Variants in HIRA observed in about 807,000 individuals in gnomAD.
HIRA encodes histone cell cycle regulator.
HIRA carries 13 observed loss-of-function variants against 126.6 expected under a neutral mutation model. The ratio of observed to expected loss-of-function variants is 0.10; its 90% confidence interval spans 0.07 to 0.16. The LOEUF (loss-of-function observed/expected upper bound fraction) is 0.16. Ranked by LOEUF, HIRA falls within the 10% of genes least tolerant of loss-of-function variation. The pLI, the probability that HIRA is intolerant of heterozygous loss-of-function variation, is 1.00. For missense variants in HIRA, 834 were observed against 1,314.4 expected (o/e 0.63, Z 5.65); for synonymous variants, 511 against 520.0 (o/e 0.98, Z 0.24).
At chr22:19,346,063 C>T (rs559057202) in intron 24 of HIRA, among the ~76,000 whole-genome samples, 6 of 152,292 alleles carry the variant, frequency 3.9e-5, no homozygotes, top group South Asian at 2.1e-4. Flanking sequence ...GAAACACAAG[C>T]GGCTCTTAAG....
Position 19,357,626 on chromosome 22 carries a change from C to A in HIRA, c.2235-575G>T, listed in dbSNP as rs535601846. On this transcript the variant is annotated intron_variant, in intron 18 of 24. Transcript: ENST00000263208. Reference sequence around the variant, plus strand: ...ACCAGGCCCCTGGGTGGGCCCTGCACGAGCAGGCTGCTGCCTTCCCAGACA... The same window carrying A: ...ACCAGGCCCCTGGGTGGGCCCTGCAAGAGCAGGCTGCTGCCTTCCCAGACA... 5.3e-5 allele frequency among the ~76,000 whole-genome samples: 8 copies of A among 152,224 alleles called. No individual in the cohort carries two copies. The East Asian group carries it at 5.8e-4, about 11-fold the overall frequency.
At chr22:19,355,906 C>A in intron 20 of HIRA, 41 bp from the exon 21 acceptor site, 1 of 1,384,176 alleles carries the variant, frequency 7.2e-7, no homozygotes, top group South Asian at 1.2e-5. Context: ...GTGCTCTGAT[C>A]AGCAAGTGTT....
At chr22:19,355,939 T>C in intron 20 of HIRA, 74 bp from the exon 21 acceptor site, 1 of 1,072,756 alleles carries the variant, frequency 9.3e-7, no homozygotes, top group African/African-American at 1.5e-5. Flanking sequence ...AAAGGAGAAA[T>C]CTGTACTCTA....
chr22:19,424,299 T>C (rs1452977083), intron 1 of HIRA, among the ~76,000 whole-genome samples: 1 of 152,198 alleles, frequency 6.6e-6, no homozygotes, highest in Non-Finnish European at 1.5e-5. Flanking sequence ...GCACATGACC[T>C]AGTTGGACCA....
chr22:19,422,611 C>T (rs2089457498), intron 1 of HIRA, among the ~76,000 whole-genome samples: 1 of 152,192 alleles, frequency 6.6e-6, no homozygotes, highest in African/African-American at 2.4e-5. Flanking sequence ...ACCACAATGA[C>T]ATCTGTGCTA....
chr22:19,405,672 G>T, intron 5 of HIRA, 114 bp downstream of exon 5: 1 of 891,542 alleles, frequency 1.1e-6, no homozygotes, highest in Non-Finnish European at 1.5e-6. Flanking sequence ...GGGTGGGACA[G>T]CCCAGACATA....
chr22:19,349,649 A>C lies in HIRA; in HGVS notation c.2937+1709T>G, dbSNP rs531395175. Among the ~76,000 whole-genome samples the C allele has an allele frequency of 1.6e-4, 25 of 152,350 alleles. No homozygotes were observed. The South Asian group carries it at 5.0e-3, about 30-fold the overall frequency. On this transcript the variant is annotated intron_variant, in intron 24 of 24. Transcript: ENST00000263208. The stretch of plus-strand genomic sequence containing the variant: ...ACACTGGATGCAAAGTCTATGGAAC[A>C]ATGCCTTCAGGGACTTAAGGGGATT...
intron 15 of HIRA, among the ~76,000 whole-genome samples, chr22:19,372,571 ATTTTT>A (rs200950966): frequency 7.3e-6 from 1 of 136,066 alleles, no homozygotes. Context: ...AAAGCTTTTA[ATTTTT>A]TTTTTTTTTT....
At chr22:19,410,837 T>C in intron 1 of HIRA, 59 bp from the exon 2 acceptor site, 2 of 1,349,150 alleles carry the variant, frequency 1.5e-6, no homozygotes, top group South Asian at 2.4e-5. Flanking sequence ...TTGAAGTGTA[T>C]CAAACTCAAC....
rs1008246 is a variant in HIRA at position 19,385,274 on chromosome 22, G to A, written c.1329+247C>T. Among the ~76,000 whole-genome samples, 635 of 152,296 alleles carry A rather than the reference G, an allele frequency of 4.2e-3. 2 individuals are homozygous for A. Among genetic ancestry groups the A allele is most frequent in the Admixed American group, 0.016 (242 of 15,298 alleles). On this transcript the variant is annotated intron_variant, in intron 12 of 24. Coordinates refer to ENST00000263208, the MANE Select transcript of HIRA (RefSeq NM_003325.4). ...TAGAAAGACCAGAAGGATAAAATTC[G>A]TAAGTTCTTACAAGAGATGACCTCC...
intron 24 of HIRA, among the ~76,000 whole-genome samples, chr22:19,341,075 G>A (rs973046841): frequency 2.0e-5 from 3 of 152,108 alleles, no homozygotes; most frequent in African/African-American, 7.2e-5. Context: ...CAGCACTTTG[G>A]GAGGCTAAGG....
In HIRA at chr22:19,387,703, C is replaced by A; in HGVS notation, c.1113+8G>T. The A allele has an allele frequency of 6.2e-7, 1 of 1,611,768 alleles. No individual in the cohort carries two copies. Among genetic ancestry groups the A allele is most frequent in the Non-Finnish European group, 8.5e-7 (1 of 1,178,368 alleles). On this transcript the variant is annotated splice_region_variant and intron_variant, in intron 11 of 24. Coordinates refer to ENST00000263208, the MANE Select transcript of HIRA (RefSeq NM_003325.4). ...GAGCACCCAGCAGCACAAGAGCCGT[C>A]AGCCTACCTTCTCCTCCTCGCTCAG...
At chr22:19,346,475 A>G (rs2088687968) in intron 24 of HIRA, among the ~76,000 whole-genome samples, 1 of 152,278 alleles carries the variant, frequency 6.6e-6, no homozygotes, top group African/African-American at 2.4e-5. Flanking sequence ...AAAGGAACAA[A>G]TTCAGAATAG....
intron 1 of HIRA, among the ~76,000 whole-genome samples, chr22:19,415,785 G>A (rs1260907069): frequency 1.2e-4 from 18 of 151,252 alleles, no homozygotes; most frequent in African/African-American, 2.4e-5. Context: ...GTGAAACTCC[G>A]TCTCAAAAAA....
intron 14 of HIRA, 114 bp downstream of exon 14, chr22:19,377,755 T>C (rs1274536350): frequency 1.0e-6 from 1 of 973,750 alleles, no homozygotes; most frequent in Non-Finnish European, 1.5e-6. Context: ...TTTTTCTTTC[T>C]TTTTTGATTG....
chr22:19,402,768 T>C (rs2089279327), intron 5 of HIRA, among the ~76,000 whole-genome samples: 1 of 152,196 alleles, frequency 6.6e-6, no homozygotes, highest in Non-Finnish European at 1.5e-5. Flanking sequence ...AACTGTAATA[T>C]TTGCCACTGG....
At chr22:19,334,136 G>A (rs1180274196) in intron 24 of HIRA, among the ~76,000 whole-genome samples, 3 of 151,438 alleles carry the variant, frequency 2.0e-5, no homozygotes, top group Admixed American at 6.6e-5. Flanking sequence ...CAGCACGCCT[G>A]GCTAATTTTT....
At chr22:19,405,350 C>T in intron 5 of HIRA, 1 of 326,364 alleles carries the variant, frequency 3.1e-6, no homozygotes, top group Non-Finnish European at 4.4e-6. Context: ...AAATGTGCTT[C>T]TTTCCATGCC....
At chr22:19,392,064 C>T (rs752189871) in intron 9 of HIRA, 37 bp downstream of exon 9, 6 of 1,266,234 alleles carry the variant, frequency 4.7e-6, no homozygotes, top group African/African-American at 4.4e-5. Context: ...ACCTACACCT[C>T]CCGTCCTGCA....
Sources: allele counts gnomAD v4.1 joint callset (sites outside exome capture counted in the v4.1 genomes callset), GRCh38; gene constraint gnomAD v4.1.1; transcripts MANE v1.5; gene names NCBI Gene and HGNC (gene_info 2026-07-23, HGNC 2026-07-21).